KANSL3: variants seen among roughly 807,000 people sequenced by gnomAD.
KANSL3 encodes the protein NSL complex protein NSL3.
A neutral mutation model predicts 89.2 loss-of-function variants in KANSL3; 16 were observed. The observed-to-expected ratio is 0.18, with a 90% CI of 0.12 to 0.27. The LOEUF is 0.27. Ranked by LOEUF, KANSL3 falls within the 10% of genes least tolerant of loss-of-function variation. KANSL3 has a pLI of 1.00. For missense variants in KANSL3, 879 were observed against 1,110.6 expected, an observed-to-expected ratio of 0.79 and a Z score of 2.96; for synonymous variants, 385 against 419.7, an observed-to-expected ratio of 0.92 and a Z score of 1.01.
chr2:96,622,867 C>T (rs1055531833), intron 3 of KANSL3, among the ~76,000 whole-genome samples: 1 of 152,184 alleles, frequency 6.6e-6, no homozygotes. Flanking sequence ...GAAACAATGG[C>T]TCCCTCTCTC....
rs556755219 is a variant in KANSL3 at position 96,601,564 on chromosome 2, C to A, written c.2616+79G>T. 4.3e-5 allele frequency: 66 copies of A among 1,542,500 alleles called. No homozygotes were observed. The East Asian group carries it at 1.4e-3, about 32-fold the overall frequency. ...CTCGTCTGTCCAGTGCATGGGCAGC[C>A]CCTTCAATCAGCCAGTCAGCTGGTC... On this transcript the variant is annotated intron_variant, in intron 20 of 20. Transcript: ENST00000431828.
chr2:96,631,343 G>C lies in KANSL3; in HGVS notation c.355C>G (p.Pro119Ala). Residue 119 changes from proline (P) to alanine (A), a missense_variant, in exon 3 of 21, where the codon CCA becomes GCA. Pro to Ala is a conservative substitution (Grantham distance 27). Transcript: ENST00000431828. ...FARTDADAPP[P>A]PEDWEEHVNR... ...ACATGCTCCTCCCAGTCCTCTGGTG[G>C]AGGAGGGGCATCTGCATCAGTCCTG... is the stretch of plus-strand genomic sequence containing the variant. 1 of 1,613,480 alleles carries C rather than the reference G, an allele frequency of 6.2e-7. No homozygotes were observed. Among genetic ancestry groups the C allele is most frequent in the Non-Finnish European group, 8.5e-7 (1 of 1,179,690 alleles).
intron 14 of KANSL3, chr2:96,606,116 C>T (rs2105235982): frequency 6.6e-6 from 1 of 152,568 alleles, no homozygotes; most frequent in African/African-American, 2.4e-5. Context: ...GTCACCAGGA[C>T]TAAAAGCTGG....
At chr2:96,601,992 A>G in intron 19 of KANSL3, 124 bp downstream of exon 19, 5 of 1,186,128 alleles carry the variant, frequency 4.2e-6, no homozygotes, top group Non-Finnish European at 5.8e-6. Context: ...AGCTGAATCC[A>G]AAGGTCAATG....
At chr2:96,623,455 A>G (rs1273958373) in intron 3 of KANSL3, among the ~76,000 whole-genome samples, 1 of 152,240 alleles carries the variant, frequency 6.6e-6, no homozygotes, top group Non-Finnish European at 1.5e-5. Flanking sequence ...CACCAACAGT[A>G]TGGCCCAGTG....
chr2:96,613,091 G>A (rs1193251119), intron 6 of KANSL3, among the ~76,000 whole-genome samples, 157 bp from the exon 7 acceptor site: 1 of 152,176 alleles, frequency 6.6e-6, no homozygotes, highest in Non-Finnish European at 1.5e-5. Context: ...AATAGTTAAA[G>A]AAGCTGGCCA....
Position 96,599,555 on chromosome 2 carries a change from G to A in KANSL3, c.2616+2088C>T, listed in dbSNP as rs186721400. 3.6e-3 allele frequency: 547 copies of A among 153,880 alleles called. 4 individuals carry two copies. Among genetic ancestry groups the A allele is most frequent in the Non-Finnish European group, 3.5e-3 (247 of 69,646 alleles). The allele number at this position is 153,880 out of a possible 1,614,324, so 9.5% of individuals were successfully genotyped here. A position where few individuals can be genotyped will look rare whatever the true frequency, so the allele number is the denominator to read the frequency against. On this transcript the variant is annotated intron_variant, in intron 20 of 20. Transcript: ENST00000431828. ...AAAATATTTGAAGATTTTACTATAT[G>A]AAACATTTAAATGGCTGTATGATCT...
chr2:96,624,863 T>C (rs946690366), intron 3 of KANSL3, among the ~76,000 whole-genome samples: 3 of 151,998 alleles, frequency 2.0e-5, no homozygotes, highest in African/African-American at 7.2e-5. Context: ...AGTATCTCTG[T>C]AGGATAATTT....
intron 2 of KANSL3, 172 bp from the exon 3 acceptor site, chr2:96,631,654 A>G: frequency 1.3e-6 from 1 of 745,890 alleles, no homozygotes; most frequent in Non-Finnish European, 2.3e-6. Flanking sequence ...ACTTGTCTAG[A>G]TCTCTGCCCT....
In KANSL3 at chr2:96,619,388, G is replaced by A. The variant is rs766453134; in HGVS notation, c.634C>T (p.Leu212=). Residue 212 remains leucine, a synonymous_variant, in exon 5 of 21, where the codon CTG becomes TTG. Transcript: ENST00000431828. The part of the protein sequence containing the change: ...TLSLPMLAAY[L]DALQTLKGKI... ...CCCTTCAGCGTCTGCAAAGCATCCA[G>A]GTAGGCTGCCAGCATGGGCAGACTC... 1.2e-6 allele frequency: 2 copies of A among 1,613,214 alleles called. No homozygotes were observed. Among genetic ancestry groups the A allele is most frequent in the Admixed American group, 3.3e-5 (2 of 59,956 alleles).
intron 5 of KANSL3, among the ~76,000 whole-genome samples, chr2:96,614,880 G>A (rs189211688): frequency 2.0e-5 from 3 of 151,128 alleles, no homozygotes; most frequent in African/African-American, 7.3e-5. Context: ...CATGGCACAC[G>A]TATACATATG....
At chr2:96,622,003 ACTTGGG>A (rs1236126253) in intron 3 of KANSL3, among the ~76,000 whole-genome samples, 1 of 152,136 alleles carries the variant, frequency 6.6e-6, no homozygotes, top group African/African-American at 2.4e-5. Flanking sequence ...AGTCCCAGCT[ACTTGGG>A]AGGCCGAGGC....
chr2:96,589,764 C>T (rs755895072), downstream of KANSL3, among the ~76,000 whole-genome samples: 2 of 152,078 alleles, frequency 1.3e-5, no homozygotes, highest in Non-Finnish European at 2.9e-5. Flanking sequence ...AGAATACATA[C>T]CAAGATAGAT....
At chr2:96,613,377 T>C in intron 6 of KANSL3, 111 bp downstream of exon 6, 1 of 776,980 alleles carries the variant, frequency 1.3e-6, no homozygotes, top group Non-Finnish European at 1.9e-6. Flanking sequence ...TCTCAAAAAA[T>C]AATAATAATA....
Position 96,608,610 on chromosome 2 carries a change from T to C in KANSL3, c.1639A>G (p.Thr547Ala). 2 of 1,614,012 alleles carry C rather than the reference T, an allele frequency of 1.2e-6. No individual in the cohort carries two copies. The highest frequency in any genetic ancestry group is 1.3e-5 in the African/African-American group (1 of 75,044). The change falls in exon 14 of 21, where the codon ACA becomes GCA. Residue 547 changes from threonine (T) to alanine (A), a missense_variant. By Grantham distance (58) the Thr-to-Ala change is moderately conservative. Around this residue, in one of 6 missense-constraint regions of KANSL3, gnomAD observed 317 missense variants for 311.2 expected, o/e 1.02. Transcript: ENST00000431828. ...PTSSPKTKVTTVTSAQKSSQI... is the reference protein window; with the variant it reads ...PTSSPKTKVTAVTSAQKSSQI... ...CTGGACTTCTGGGCAGAGGTCACTGTGGTCACTTTGGTCTTGGGACTGGAG... is the reference window on the plus strand; with the variant it reads ...CTGGACTTCTGGGCAGAGGTCACTGCGGTCACTTTGGTCTTGGGACTGGAG...
chr2:96,591,893 T>G (rs1181947783), downstream of KANSL3, among the ~76,000 whole-genome samples: 2 of 152,190 alleles, frequency 1.3e-5, no homozygotes, highest in Non-Finnish European at 2.9e-5. Context: ...TCTATAAAAA[T>G]GCCTAATGAG....
intron 2 of KANSL3, among the ~76,000 whole-genome samples, chr2:96,633,193 C>T (rs1006828223): frequency 6.0e-5 from 9 of 150,874 alleles, no homozygotes; most frequent in Non-Finnish European, 8.9e-5. Context: ...GGGAGGCGGA[C>T]GTTGCAGTGA....
chr2:96,604,860 G>T lies in KANSL3; in HGVS notation c.1937C>A (p.Ala646Glu). 1 of 1,589,996 alleles carries T rather than the reference G, an allele frequency of 6.3e-7. No individual in the cohort carries two copies. The highest frequency in any genetic ancestry group is 1.2e-5 in the South Asian group (1 of 86,816). ...TGTCATGGTGATGGGCTTCCCACCT[G>T]CAGCTTCAAAACAGAAAACCCCAAG... ...APSQGSAPEA[A>E]GGKPITMTLG... Residue 646 changes from alanine (A) to glutamate (E), a missense_variant, in exon 16 of 21, where the codon GCA (alanine) becomes GAA (glutamate). This residue lies in a region of KANSL3 where 317 missense variants were observed against 311.2 expected (regional missense o/e 1.02). Coordinates refer to ENST00000431828, the MANE Select transcript of KANSL3 (RefSeq NM_001115016.3).
At chr2:96,609,673 G>A in intron 11 of KANSL3, 111 bp from the exon 12 acceptor site, 1 of 1,029,088 alleles carries the variant, frequency 9.7e-7, no homozygotes, top group Non-Finnish European at 1.5e-6. Context: ...CCAGAAGGAG[G>A]GCCATGTTAG....
Sources: gnomAD v4.1 joint callset for allele counts (sites outside exome capture counted in the v4.1 genomes callset) on GRCh38, gnomAD v4.1.1 for gene constraint, gnomAD v4.1.1 regional missense constraint, MANE v1.5 for transcripts, NCBI Gene and HGNC (gene_info 2026-07-23, HGNC 2026-07-21) for gene names.